Variants in CTIF observed in about 807,000 individuals in gnomAD.
CTIF encodes CBP80/20-dependent translation initiation factor.
A neutral mutation model predicts 66.0 loss-of-function variants in CTIF; 21 were observed. The observed-to-expected ratio is 0.32, with a 90% confidence interval of 0.23 to 0.46. CTIF has a LOEUF of 0.46. Ranked by LOEUF, CTIF falls within the 20% of genes least tolerant of loss-of-function variation. CTIF has a pLI of 1.00. For missense variants in CTIF, 739 were observed against 812.7 expected (o/e 0.91, Z 1.10); for synonymous variants, 345 against 326.4 (o/e 1.06, Z -0.62).
intron 9 of CTIF, among the ~76,000 whole-genome samples, chr18:48,799,173 G>A (rs144406306): frequency 1.8e-4 from 27 of 152,318 alleles, no homozygotes; most frequent in African/African-American, 6.5e-4. Context: ...GATAAGCAAG[G>A]TGTGGTCTCT....
At chr18:48,542,656 G>GA (rs1335309051) in intron 1 of CTIF, among the ~76,000 whole-genome samples, 2 of 152,158 alleles carry the variant, frequency 1.3e-5, no homozygotes, top group East Asian at 1.9e-4. Flanking sequence ...CCTACAGGAG[G>GA]GAACAAATCA....
intron 10 of CTIF, among the ~76,000 whole-genome samples, chr18:48,837,009 G>A (rs1323561708): frequency 6.6e-6 from 1 of 152,238 alleles, no homozygotes; most frequent in African/African-American, 2.4e-5. Flanking sequence ...GCAGGAAACT[G>A]AGGCAGCCAG....
intron 1 of CTIF, among the ~76,000 whole-genome samples, chr18:48,578,862 TTAC>T (rs2089592474): frequency 6.6e-6 from 1 of 152,250 alleles, no homozygotes; most frequent in Non-Finnish European, 1.5e-5. Context: ...TTTATCTCTT[TTAC>T]TTACTGTTTC....
chr18:48,766,679 C>T (rs910201714), intron 9 of CTIF, among the ~76,000 whole-genome samples: 4 of 152,176 alleles, frequency 2.6e-5, no homozygotes, highest in African/African-American at 7.2e-5. Flanking sequence ...CCTGTCATGC[C>T]GCGAACCAGT....
intron 2 of CTIF, among the ~76,000 whole-genome samples, chr18:48,635,123 T>A (rs1598775848): frequency 6.6e-6 from 1 of 152,274 alleles, no homozygotes; most frequent in African/African-American, 2.4e-5. Flanking sequence ...ACCCAGCCTA[T>A]GTCAACAACA....
At chr18:48,857,716 G>T in intron 11 of CTIF, 75 bp downstream of exon 11, 1 of 1,399,404 alleles carries the variant, frequency 7.1e-7, no homozygotes, top group Non-Finnish European at 9.7e-7. Flanking sequence ...CTAGGGGCAC[G>T]AGGGTTGTTG....
At chr18:48,671,935 AGAC>A (rs1329701533) in intron 6 of CTIF, among the ~76,000 whole-genome samples, 1 of 133,080 alleles carries the variant, frequency 7.5e-6, no homozygotes, top group African/African-American at 2.7e-5. Context: ...TTTTCATTTC[AGAC>A]ATTGTAGTTT....
intron 9 of CTIF, among the ~76,000 whole-genome samples, chr18:48,810,712 A>G (rs1419414971): frequency 2.7e-5 from 4 of 148,572 alleles, no homozygotes; most frequent in Admixed American, 2.7e-4. Context: ...TTTTTTTCCT[A>G]TGTTTCTTTT....
At chr18:48,668,491 C>T (rs181318957) in intron 5 of CTIF, among the ~76,000 whole-genome samples, 370 of 152,304 alleles carry the variant, frequency 2.4e-3, no homozygotes, top group Middle Eastern at 0.017. Context: ...CACCTGTAGC[C>T]CCAGCACATC....
chr18:48,833,411 G>A (rs986627149), intron 10 of CTIF, among the ~76,000 whole-genome samples: 5 of 150,564 alleles, frequency 3.3e-5, no homozygotes, highest in Non-Finnish European at 4.4e-5. Context: ...GATAGTGTGG[G>A]CTCGGAGGTC....
chr18:48,728,739 T>TGAGAGAGAGAGGGGGAGAGTGAGA (rs1555680978), intron 7 of CTIF, among the ~76,000 whole-genome samples: 7 of 139,202 alleles, frequency 5.0e-5, no homozygotes, highest in African/African-American at 1.8e-4. Flanking sequence ...AGGGGGAGAG[T>TGAGAGAGAGAGGGGGAGAGTGAGA]GAGAGAGAGA....
chr18:48,818,347 T>G (rs760236899), intron 10 of CTIF, among the ~76,000 whole-genome samples: 2 of 152,072 alleles, frequency 1.3e-5, no homozygotes, highest in Non-Finnish European at 2.9e-5. Flanking sequence ...CTCGGTAATG[T>G]GAGTTGGAGG....
chr18:48,857,372 T>A (rs1206542616), intron 10 of CTIF, among the ~76,000 whole-genome samples: 6 of 152,242 alleles, frequency 3.9e-5, no homozygotes, highest in African/African-American at 1.4e-4. Context: ...GACCTCCAGC[T>A]GCTCTAACCC....
intron 1 of CTIF, among the ~76,000 whole-genome samples, chr18:48,609,932 A>G (rs780909257): frequency 2.6e-5 from 4 of 152,126 alleles, no homozygotes; most frequent in African/African-American, 4.8e-5. Context: ...AACTCCCAGC[A>G]TCCATTGGCT....
At chr18:48,822,311 A>G (rs1410374970) in intron 10 of CTIF, among the ~76,000 whole-genome samples, 1 of 152,190 alleles carries the variant, frequency 6.6e-6, no homozygotes, top group African/African-American at 2.4e-5. Context: ...TAGGATATCC[A>G]TCACCTCGAG....
At chr18:48,579,673 A>G (rs73441489) in intron 1 of CTIF, among the ~76,000 whole-genome samples, 3,169 of 152,104 alleles carry the variant, frequency 0.021, 118 homozygotes, top group African/African-American at 0.067. Flanking sequence ...CCAGCCCAGA[A>G]CCTTGACCCT....
intron 1 of CTIF, among the ~76,000 whole-genome samples, chr18:48,581,110 C>A (rs1297171677): frequency 2.6e-5 from 4 of 152,222 alleles, no homozygotes; most frequent in African/African-American, 9.6e-5. Context: ...TCTCTAATAT[C>A]CCTTTTTATA....
chr18:48,724,177 G>T (rs936410218), intron 7 of CTIF, among the ~76,000 whole-genome samples: 1 of 152,218 alleles, frequency 6.6e-6, no homozygotes, highest in African/African-American at 2.4e-5. Flanking sequence ...GGCCTGGACA[G>T]ATGAACAGCC....
chr18:48,786,046 C>G (rs1568217433), intron 9 of CTIF, among the ~76,000 whole-genome samples: 1 of 152,126 alleles, frequency 6.6e-6, no homozygotes, highest in East Asian at 1.9e-4. Context: ...GAGGTTCTCC[C>G]TCATCCCAAA....
Sources: gnomAD v4.1 joint callset for allele counts (sites outside exome capture counted in the v4.1 genomes callset) on GRCh38, gnomAD v4.1.1 for gene constraint, MANE v1.5 for transcripts, NCBI Gene and HGNC (gene_info 2026-07-23, HGNC 2026-07-21) for gene names.